Variants in SOS2 observed in about 807,000 individuals in gnomAD.
The protein encoded by SOS2 is SOS Ras/Rho guanine nucleotide exchange factor 2.
Under a neutral mutation model 148.2 loss-of-function variants are expected in SOS2, and 65 were observed. The observed-to-expected ratio is 0.44, with a 90% confidence interval of 0.36 to 0.54. The LOEUF (loss-of-function observed/expected upper bound fraction) is 0.54. Among genes scored for constraint, SOS2 ranks in the 20% least tolerant of loss-of-function variants. The pLI is 0.00. For synonymous variants in SOS2, 539 were observed against 537.1 expected (o/e 1.00, Z -0.05); for missense variants, 1,341 against 1,590.2 (o/e 0.84, Z 2.67).
intron 13 of SOS2, 43 bp from the exon 14 acceptor site, chr14:50,150,273 G>T (rs370038605): frequency 2.1e-4 from 256 of 1,242,386 alleles, no homozygotes; most frequent in Non-Finnish European, 2.8e-4. Flanking sequence ...TTACTTGACA[G>T]ACATGACTGC....
chr14:50,134,123 A>C lies in SOS2; in HGVS notation c.3075T>G (p.Phe1025Leu). The C allele has an allele frequency of 7.1e-7, 1 of 1,414,486 alleles. No individual in the cohort carries two copies. The highest frequency in any genetic ancestry group is 1.2e-5 in the South Asian group (1 of 84,686). 87.6% of individuals were successfully genotyped at this position (1,414,486 alleles called of 1,614,324 possible). Residue 1025 changes from phenylalanine to leucine, a missense_variant and splice_region_variant, in exon 19 of 23, where the codon TTT becomes TTG. This residue lies in a region of SOS2 where 408 missense variants were observed against 506.6 expected (regional missense o/e 0.81). Coordinates refer to ENST00000216373, the MANE Select transcript of SOS2 (RefSeq NM_006939.4). ...GTTCCCGAAATTATAAAAGACTTACAAATCGAGGTGGCTGTTTGCAGTTTC... is the reference window on the plus strand; with the variant it reads ...GTTCCCGAAATTATAAAAGACTTACCAATCGAGGTGGCTGTTTGCAGTTTC... ...EPRNCKQPPR[F>L]PRKSTFSLKS...
chr14:50,213,013 C>T (rs1047181247), intron 1 of SOS2, among the ~76,000 whole-genome samples: 3 of 152,116 alleles, frequency 2.0e-5, no homozygotes, highest in Non-Finnish European at 4.4e-5. Flanking sequence ...TTCTCATTAA[C>T]CTTCTGTCAT....
rs1884029637 is a variant in SOS2, at chr14:50,135,081, A to G, written c.2959-842T>C. Among the ~76,000 whole-genome samples the G allele has an allele frequency of 2.1e-5, 3 of 144,094 alleles. No homozygotes were observed. In the South Asian group the frequency reaches 6.3e-4, roughly 30 times the overall value. The allele number at this position is 144,094 out of a possible 152,430, so 94.5% of individuals were successfully genotyped here. On this transcript the variant is annotated intron_variant, in intron 18 of 22. Transcript: ENST00000216373. ...AGAGCGAGACTGTCTCAAAAAAAAA[A>G]AAAAAAAAAAAGAAAGAAAGAAAGA...
rs182364276 is a variant in SOS2 at position 50,192,184 on chromosome 14, G to C, written c.511-3484C>G. 1.3e-4 allele frequency among the ~76,000 whole-genome samples: 19 copies of C among 143,716 alleles called. No homozygotes were observed. In the East Asian group the frequency reaches 3.5e-3, roughly 27 times the overall value. The allele number at this position is 143,716 out of a possible 152,430, so 94.3% of individuals were successfully genotyped here. A position where few individuals can be genotyped will look rare whatever the true frequency, so the allele number is the denominator to read the frequency against. ...AAAAAAAAAAAAAAAAAAGGAGCGA[G>C]CAAGCTAGCTCTTGAAACAGATGGA... On this transcript the variant is annotated intron_variant, in intron 4 of 22. Coordinates refer to ENST00000216373, the MANE Select transcript of SOS2 (RefSeq NM_006939.4).
In SOS2 at chr14:50,145,490, G is replaced by T. The variant is rs1463238437; in HGVS notation, c.2491C>A (p.Leu831Ile). Reference protein sequence around the residue: ...KMIRHTTNLTLWFEKCIVEAE... With the variant: ...KMIRHTTNLTIWFEKCIVEAE... ...ATTAAAACTTACTTTTCAAACCAGA[G>T]GGTGAGATTTGTGGTATGGCGAATC... Residue 831 changes from leucine (L) to isoleucine (I), a missense_variant, in exon 15 of 23, where the codon CTC becomes ATC. Leu to Ile is a conservative substitution (Grantham distance 5). This residue lies in a region of SOS2 where 408 missense variants were observed against 506.6 expected (regional missense o/e 0.81). Coordinates refer to ENST00000216373, the MANE Select transcript of SOS2 (RefSeq NM_006939.4). 2.5e-6 allele frequency: 4 copies of T among 1,603,438 alleles called. 1 individual carries two copies. The South Asian group carries it at 3.3e-5, about 13-fold the overall frequency.
At chr14:50,217,959 A>G (rs946749847) in intron 1 of SOS2, among the ~76,000 whole-genome samples, 7 of 151,514 alleles carry the variant, frequency 4.6e-5, no homozygotes, top group Admixed American at 2.0e-4. Context: ...TGTCTCAAAA[A>G]AACAAAAACA....
chr14:50,149,472 T>C (rs1431967456), intron 14 of SOS2, among the ~76,000 whole-genome samples: 1 of 151,010 alleles, frequency 6.6e-6, no homozygotes, highest in Non-Finnish European at 1.5e-5. Flanking sequence ...AAGTAGAGAG[T>C]AGAACTGCAG....
At chr14:50,212,334 C>T (rs1886899171) in intron 1 of SOS2, among the ~76,000 whole-genome samples, 1 of 152,164 alleles carries the variant, frequency 6.6e-6, no homozygotes, top group African/African-American at 2.4e-5. Flanking sequence ...ATTAACTGGT[C>T]ATGGTGGTGC....
At chr14:50,136,499 C>T (rs902367028) in intron 18 of SOS2, among the ~76,000 whole-genome samples, 2 of 152,090 alleles carry the variant, frequency 1.3e-5, no homozygotes, top group African/African-American at 4.8e-5. Context: ...CTCCGAAGCC[C>T]CACATCACAG....
chr14:50,146,836 G>A (rs1884491268), intron 14 of SOS2, among the ~76,000 whole-genome samples: 1 of 152,014 alleles, frequency 6.6e-6, no homozygotes, highest in Non-Finnish European at 1.5e-5. Context: ...TTGAACAAAT[G>A]CCAAAAATGA....
chr14:50,189,812 T>C (rs912010836), intron 4 of SOS2, among the ~76,000 whole-genome samples: 1 of 151,742 alleles, frequency 6.6e-6, no homozygotes, highest in African/African-American at 2.4e-5. Flanking sequence ...TAGCTATAAA[T>C]CAAAGTGAAA....
In SOS2 at chr14:50,153,056, T is replaced by C; in HGVS notation, c.2161+14A>G. On this transcript the variant is annotated intron_variant, in intron 13 of 22. Coordinates refer to ENST00000216373, the MANE Select transcript of SOS2 (RefSeq NM_006939.4). ...GTTCAATATAAGATTCAATCAAACC[T>C]TTATATAATATACCTCTTACACTTG... 7.7e-7 allele frequency: 1 copy of C among 1,306,734 alleles called. No homozygotes were observed. The highest frequency in any genetic ancestry group is 1.1e-6 in the Non-Finnish European group (1 of 917,362). 80.9% of individuals were successfully genotyped at this position (1,306,734 alleles called of 1,614,324 possible).
At chr14:50,182,674 A>C (rs1256883838) in intron 5 of SOS2, 68 bp from the exon 6 acceptor site, 1 of 1,321,714 alleles carries the variant, frequency 7.6e-7, no homozygotes, top group East Asian at 2.3e-5. Context: ...ACTAAATATA[A>C]AGAGCAATAT....
chr14:50,230,910 T>A, intron 1 of SOS2: 2 of 1,076,466 alleles, frequency 1.9e-6, no homozygotes, highest in Non-Finnish European at 2.2e-6. Flanking sequence ...GATTCCAGCC[T>A]GAGGACAACA....
chr14:50,189,094 C>CAT (rs1886025698), intron 4 of SOS2, among the ~76,000 whole-genome samples: 1 of 149,942 alleles, frequency 6.7e-6, no homozygotes, highest in Non-Finnish European at 1.5e-5. Context: ...CACACACACA[C>CAT]ACACACACGC....
chr14:50,183,604 A>G (rs192829963), intron 5 of SOS2, among the ~76,000 whole-genome samples: 3 of 152,332 alleles, frequency 2.0e-5, no homozygotes, highest in Admixed American at 2.0e-4. Context: ...CTTTTTACAT[A>G]AAGAATTCTG....
In SOS2 at chr14:50,172,639, G is replaced by C. The variant is rs553753573; in HGVS notation, c.1068+1815C>G. On this transcript the variant is annotated intron_variant, in intron 8 of 22. Transcript: ENST00000216373. ...CCCCCTTGGACTCCTAAAGTGCTGG[G>C]ATTACAGGCATGAGCCACCGCACCT... Among the ~76,000 whole-genome samples, 170 of 151,852 alleles carry C rather than the reference G, an allele frequency of 1.1e-3. 1 individual carries two copies. Among genetic ancestry groups the C allele is most frequent in the African/African-American group, 3.9e-3 (162 of 41,400 alleles).
At chr14:50,201,186 TAA>T in intron 2 of SOS2, 102 bp from the exon 3 acceptor site, 1 of 1,064,708 alleles carries the variant, frequency 9.4e-7, no homozygotes, top group Non-Finnish European at 1.4e-6. Flanking sequence ...TGCTAGCAGA[TAA>T]TAGTGACACA....
chr14:50,187,954 T>C (rs1048253680), intron 5 of SOS2, among the ~76,000 whole-genome samples: 13 of 152,192 alleles, frequency 8.5e-5, no homozygotes, highest in Admixed American at 6.5e-5. Flanking sequence ...ATATCAGAAC[T>C]GCATAACGGA....
Sources: gnomAD v4.1 joint callset for allele counts (sites outside exome capture counted in the v4.1 genomes callset) on GRCh38, gnomAD v4.1.1 for gene constraint, gnomAD v4.1.1 regional missense constraint, MANE v1.5 for transcripts, NCBI Gene and HGNC (gene_info 2026-07-23, HGNC 2026-07-21) for gene names.